DPP10: variants seen among roughly 807,000 people sequenced by gnomAD.
DPP10 encodes inactive dipeptidyl peptidase 10.
In DPP10, 33 loss-of-function variants were observed where a neutral mutation model predicts 120.9. That is an observed-to-expected ratio of 0.27 (90% CI 0.21 to 0.37). The LOEUF (loss-of-function observed/expected upper bound fraction) is 0.37. Among genes scored for constraint, DPP10 ranks in the 10% least tolerant of loss-of-function variants. The pLI, the probability that DPP10 is intolerant of heterozygous loss-of-function variation, is 1.00. For synonymous variants in DPP10, 337 were observed against 326.1 expected, an observed-to-expected ratio of 1.03 and a Z score of -0.36; for missense variants, 816 against 942.8, an observed-to-expected ratio of 0.87 and a Z score of 1.76.
chr2:115,715,884 A>G (rs1241380388), intron 7 of DPP10, among the ~76,000 whole-genome samples: 1 of 152,216 alleles, frequency 6.6e-6, no homozygotes, highest in Non-Finnish European at 1.5e-5. Context: ...CTATTTTTCC[A>G]GGAAGTCTAC....
intron 1 of DPP10, among the ~76,000 whole-genome samples, chr2:114,721,255 C>T (rs904220435): frequency 6.6e-6 from 1 of 152,172 alleles, no homozygotes; most frequent in Admixed American, 6.5e-5. Context: ...TGCAGATTTG[C>T]TGAGAGGGTG....
At chr2:115,576,072 T>C (rs1468018835) in intron 5 of DPP10, among the ~76,000 whole-genome samples, 1 of 152,222 alleles carries the variant, frequency 6.6e-6, no homozygotes, top group Non-Finnish European at 1.5e-5. Context: ...AAACTCATGT[T>C]GGACTTGTGA....
At chr2:115,131,135 TG>T (rs1191722029) in intron 1 of DPP10, 2 of 152,134 alleles carry the variant, frequency 1.3e-5, no homozygotes, top group Non-Finnish European at 2.9e-5. Flanking sequence ...GATAGAAAGG[TG>T]AGTAATTCAG....
chr2:115,162,315 AC>A, intron 1 of DPP10: 1 of 1,488,930 alleles, frequency 6.7e-7, no homozygotes, highest in South Asian at 1.3e-5. Flanking sequence ...CGGGCGGCCC[AC>A]CGAGGGAGGG....
chr2:115,108,536 A>T (rs567504739), intron 1 of DPP10, among the ~76,000 whole-genome samples: 1 of 152,340 alleles, frequency 6.6e-6, no homozygotes, highest in African/African-American at 2.4e-5. Flanking sequence ...TAAACAATGT[A>T]CAAATCATAC....
chr2:115,322,030 T>C (rs1038337649), intron 2 of DPP10, among the ~76,000 whole-genome samples: 3 of 152,174 alleles, frequency 2.0e-5, no homozygotes, highest in African/African-American at 7.2e-5. Flanking sequence ...TTGAGTAAAA[T>C]GTCTGTGCCT....
chr2:115,811,477 A>G (rs1219123135), intron 19 of DPP10, among the ~76,000 whole-genome samples: 1 of 152,250 alleles, frequency 6.6e-6, no homozygotes, highest in African/African-American at 2.4e-5. Flanking sequence ...GCCTTATTTT[A>G]AACTCTATCT....
At chr2:114,831,022 ATTTTTTTTTTTTTTTTTT>A (rs70941010) in intron 1 of DPP10, among the ~76,000 whole-genome samples, 44 of 45,924 alleles carry the variant, frequency 9.6e-4, no homozygotes, top group African/African-American at 2.1e-3. Flanking sequence ...CCATGCAAAG[ATTTTTTTTTTTTTTTTTT>A]TTTTTTTTTT....
intron 5 of DPP10, among the ~76,000 whole-genome samples, chr2:115,596,108 A>G (rs1414193214): frequency 6.6e-6 from 1 of 152,156 alleles, no homozygotes; most frequent in East Asian, 1.9e-4. Context: ...ACTCATGTCT[A>G]TTTGTTTAGA....
intron 1 of DPP10, among the ~76,000 whole-genome samples, chr2:114,636,997 C>A (rs1025211860): frequency 1.3e-5 from 2 of 151,866 alleles, no homozygotes; most frequent in Admixed American, 1.3e-4. Flanking sequence ...TAGAAGGAAC[C>A]ATTTGCAAAC....
intron 1 of DPP10, among the ~76,000 whole-genome samples, chr2:115,244,985 C>T (rs1267941445): frequency 6.6e-6 from 1 of 151,756 alleles, no homozygotes; most frequent in Non-Finnish European, 1.5e-5. Context: ...GCCTTTTATC[C>T]CTCAGCTCCC....
At position 114,476,903 on chromosome 2, in the gene DPP10, C is replaced by T. The variant is rs566252990; in HGVS notation, c.60+34065C>T. Among the ~76,000 whole-genome samples the T allele has an allele frequency of 3.9e-5, 6 of 152,158 alleles. No individual in the cohort carries two copies. In the East Asian group the frequency reaches 9.7e-4, roughly 24 times the overall value. On this transcript the variant is annotated intron_variant, in intron 1 of 25. Transcript: ENST00000410059. ...CCTTTCAGGAACTAATTCTTAAAAC[C>T]ATTGTCTTGACTTCTGACATCATAG...
chr2:114,620,127 G>A (rs1387976497), intron 1 of DPP10, among the ~76,000 whole-genome samples: 3 of 151,620 alleles, frequency 2.0e-5, no homozygotes, highest in Non-Finnish European at 4.4e-5. Context: ...AATTTCAATG[G>A]CAGAAATTAT....
At chr2:115,657,591 A>G (rs1374259812) in intron 5 of DPP10, among the ~76,000 whole-genome samples, 1 of 151,816 alleles carries the variant, frequency 6.6e-6, no homozygotes, top group Admixed American at 6.6e-5. Flanking sequence ...CTAATGCTCA[A>G]CCACCATTCC....
chr2:115,572,692 G>A (rs1338687735), intron 5 of DPP10, among the ~76,000 whole-genome samples: 1 of 152,116 alleles, frequency 6.6e-6, no homozygotes, highest in Non-Finnish European at 1.5e-5. Context: ...GAGAGTTTGG[G>A]GAGGATATTT....
At chr2:114,799,810 G>T (rs924849146) in intron 1 of DPP10, among the ~76,000 whole-genome samples, 2 of 152,200 alleles carry the variant, frequency 1.3e-5, no homozygotes, top group African/African-American at 4.8e-5. Flanking sequence ...GAAAAAGGTA[G>T]GGGAAGGAAG....
At position 115,025,091 on chromosome 2, in the gene DPP10, T is replaced by C. The variant is rs1232472171; in HGVS notation, c.61-284148T>C. Among the ~76,000 whole-genome samples, 5 of 152,040 alleles carry C rather than the reference T, an allele frequency of 3.3e-5. No homozygotes were observed. The East Asian group carries it at 9.6e-4, about 29-fold the overall frequency. On this transcript the variant is annotated intron_variant, in intron 1 of 25. Coordinates refer to ENST00000410059, the MANE Select transcript of DPP10 (RefSeq NM_020868.6). ...TAACTATAGTCACCTTAGTGAACTA[T>C]CGAACATTAGGTCTTAGATCTTTTA...
Position 114,461,701 on chromosome 2 carries a change from T to C in DPP10, c.60+18863T>C, listed in dbSNP as rs112265139. 12 of 985,434 alleles carry C rather than the reference T, an allele frequency of 1.2e-5. No homozygotes were observed. The African/African-American group carries it at 1.2e-4, about 10-fold the overall frequency. 61.0% of individuals were successfully genotyped at this position (985,434 alleles called of 1,614,324 possible). A position where few individuals can be genotyped will look rare whatever the true frequency, so the allele number is the denominator to read the frequency against. Reference sequence around the variant, plus strand: ...ACTTGCTTTTCATTTTGATCAGCCGTCTGCACTTAAAAGCCTCCTAGCCAG... The same window carrying C: ...ACTTGCTTTTCATTTTGATCAGCCGCCTGCACTTAAAAGCCTCCTAGCCAG... On this transcript the variant is annotated intron_variant, in intron 1 of 25. Transcript: ENST00000410059.
At chr2:115,053,242 A>ATGG (rs1705647302) in intron 1 of DPP10, among the ~76,000 whole-genome samples, 1 of 152,218 alleles carries the variant, frequency 6.6e-6, no homozygotes, top group South Asian at 2.1e-4. Flanking sequence ...TGAATGGGTA[A>ATGG]ACAATATGTG....
Sources: gnomAD v4.1 joint callset for allele counts (sites outside exome capture counted in the v4.1 genomes callset) on GRCh38, gnomAD v4.1.1 for gene constraint, MANE v1.5 for transcripts, NCBI Gene and HGNC (gene_info 2026-07-23, HGNC 2026-07-21) for gene names.